Variants in GREB1L observed in about 807,000 individuals in gnomAD.
GREB1L encodes the protein GREB1 like retinoic acid receptor coactivator, also known as GREB1-like protein.
A neutral mutation model predicts 200.8 loss-of-function variants in GREB1L; 17 were observed. The ratio of observed to expected loss-of-function variants is 0.08; its 90% CI spans 0.06 to 0.13. The LOEUF is 0.13. Ranked by LOEUF, GREB1L falls within the 10% of genes least tolerant of loss-of-function variation. The pLI is 1.00. For synonymous variants in GREB1L, 789 were observed against 893.0 expected (o/e 0.88, Z 2.08); for missense variants, 1,657 against 2,367.7 (o/e 0.70, Z 6.23).
intron 2 of GREB1L, among the ~76,000 whole-genome samples, chr18:21,371,304 C>T (rs1222560658): frequency 5.3e-5 from 8 of 151,918 alleles, no homozygotes. Context: ...TGTACAATTT[C>T]TTAATAAATA....
At chr18:21,356,759 G>C (rs1387257490) in intron 1 of GREB1L, among the ~76,000 whole-genome samples, 1 of 152,112 alleles carries the variant, frequency 6.6e-6, no homozygotes, top group Non-Finnish European at 1.5e-5. Context: ...ACTGTTTTCT[G>C]TAATGGCTGT....
Position 21,452,155 on chromosome 18 carries a change from G to A in GREB1L, c.1922G>A (p.Gly641Glu), listed in dbSNP as rs1337575001. 1 of 1,551,970 alleles carries A rather than the reference G, an allele frequency of 6.4e-7. No individual in the cohort carries two copies. The highest frequency in any genetic ancestry group is 2.0e-5 in the Admixed American group (1 of 50,998). Residue 641 changes from glycine to glutamate, a missense_variant, in exon 14 of 33, where the codon GGA (glycine) becomes GAA (glutamate). By Grantham distance (98) the Gly-to-Glu change is moderately conservative. Around this residue, in one of 9 missense-constraint regions of GREB1L, gnomAD observed 239 missense variants for 421.8 expected, o/e 0.57. Coordinates refer to ENST00000424526, the MANE Select transcript of GREB1L (RefSeq NM_001142966.3). ...GACAGTGTGGTTACCCCTTTCGATG[G>A]AGACCTTAATGAATGTGTGTCACCC... ...RGDSVVTPFDGDLNECVSPQE... is the reference protein window; with the variant it reads ...RGDSVVTPFDEDLNECVSPQE...
intron 27 of GREB1L, among the ~76,000 whole-genome samples, chr18:21,510,080 G>C (rs2037177133): frequency 1.3e-5 from 2 of 151,780 alleles, no homozygotes; most frequent in Non-Finnish European, 2.9e-5. Context: ...TGGGTGTGGT[G>C]GTGTGCGCCT....
chr18:21,479,311 G>T (rs1391652357), intron 17 of GREB1L, among the ~76,000 whole-genome samples: 4 of 152,198 alleles, frequency 2.6e-5, no homozygotes, highest in Non-Finnish European at 5.9e-5. Flanking sequence ...GTGATAGGAA[G>T]AAGGACCAAT....
intron 7 of GREB1L, among the ~76,000 whole-genome samples, chr18:21,412,588 C>T (rs770287365): frequency 1.3e-5 from 2 of 152,034 alleles, no homozygotes; most frequent in African/African-American, 2.4e-5. Context: ...AAAGAAAGGG[C>T]AAAACTAAAC....
intron 1 of GREB1L, among the ~76,000 whole-genome samples, chr18:21,355,241 T>G (rs1567949001): frequency 6.6e-6 from 1 of 151,696 alleles, no homozygotes; most frequent in African/African-American, 2.4e-5. Context: ...AAGCCTAGGT[T>G]GGAGTGCAGT....
chr18:21,284,430 T>C (rs545746439), intron 1 of GREB1L, among the ~76,000 whole-genome samples: 1 of 152,286 alleles, frequency 6.6e-6, no homozygotes, highest in East Asian at 1.9e-4. Context: ...AATTATATAA[T>C]TGGGGGGGCT....
chr18:21,475,996 A>AAG (rs2035684462), intron 16 of GREB1L, among the ~76,000 whole-genome samples: 1 of 138,554 alleles, frequency 7.2e-6, no homozygotes, highest in African/African-American at 2.9e-5. Flanking sequence ...AAAAAAAAAA[A>AAG]AGAGTCAAAT....
chr18:21,366,808 A>T (rs2039697089), intron 2 of GREB1L, among the ~76,000 whole-genome samples: 1 of 152,012 alleles, frequency 6.6e-6, no homozygotes, highest in Admixed American at 6.6e-5. Flanking sequence ...CTCTTTTATA[A>T]CACGTTGTAT....
intron 1 of GREB1L, among the ~76,000 whole-genome samples, chr18:21,252,408 C>G (rs1291776837): frequency 6.6e-6 from 1 of 150,586 alleles, no homozygotes; most frequent in Non-Finnish European, 1.5e-5. Context: ...AAATACAAAA[C>G]TAGCCTGGTA....
chr18:21,317,112 T>G (rs1325684872), intron 1 of GREB1L, among the ~76,000 whole-genome samples: 1 of 151,936 alleles, frequency 6.6e-6, no homozygotes, highest in Non-Finnish European at 1.5e-5. Context: ...TCCAAGCGGG[T>G]GCCGTGTTAC....
chr18:21,488,027 G>A (rs1174173507), intron 18 of GREB1L, among the ~76,000 whole-genome samples: 5 of 150,232 alleles, frequency 3.3e-5, no homozygotes, highest in African/African-American at 7.4e-5. Context: ...AAAAAAGACC[G>A]GGTGCAGTGG....
At chr18:21,296,808 C>T (rs1205631896) in intron 1 of GREB1L, among the ~76,000 whole-genome samples, 1 of 152,014 alleles carries the variant, frequency 6.6e-6, no homozygotes, top group East Asian at 1.9e-4. Flanking sequence ...GCACATGCCA[C>T]CACCCCTGGC....
At chr18:21,519,796 T>G (rs1457530009) in intron 31 of GREB1L, among the ~76,000 whole-genome samples, 1 of 152,244 alleles carries the variant, frequency 6.6e-6, no homozygotes, top group East Asian at 1.9e-4. Flanking sequence ...CCAAGCAGAC[T>G]GGCTCATGCA....
chr18:21,505,346 TTCTC>T, intron 23 of GREB1L, 62 bp from the exon 24 acceptor site: 1 of 1,444,830 alleles, frequency 6.9e-7, no homozygotes, highest in Non-Finnish European at 9.3e-7. Context: ...ATAAAAGCCA[TTCTC>T]TCTGACACAT....
chr18:21,469,341 CATT>C (rs1447464199), intron 15 of GREB1L, among the ~76,000 whole-genome samples: 4 of 152,038 alleles, frequency 2.6e-5, no homozygotes, highest in African/African-American at 9.7e-5. Flanking sequence ...TAGTGATGAT[CATT>C]ATTATTTTGC....
chr18:21,350,404 AT>A (rs1464971937), intron 1 of GREB1L, among the ~76,000 whole-genome samples: 3 of 151,424 alleles, frequency 2.0e-5, no homozygotes, highest in African/African-American at 4.9e-5. Context: ...CACCCGGCTA[AT>A]TTTTTGTATT....
chr18:21,279,425 A>G (rs2144411033), intron 1 of GREB1L, among the ~76,000 whole-genome samples: 1 of 152,280 alleles, frequency 6.6e-6, no homozygotes, highest in East Asian at 1.9e-4. Context: ...TTTACTCTGT[A>G]CTTACGGATC....
chr18:21,487,882 G>T (rs1401325712), intron 18 of GREB1L, among the ~76,000 whole-genome samples: 1 of 151,712 alleles, frequency 6.6e-6, no homozygotes, highest in Non-Finnish European at 1.5e-5. Context: ...GTGGTGGCGG[G>T]CACCTGTAAT....
Sources: allele counts gnomAD v4.1 joint callset (sites outside exome capture counted in the v4.1 genomes callset), GRCh38; gene constraint gnomAD v4.1.1; regional missense constraint gnomAD v4.1.1; transcripts MANE v1.5; gene names NCBI Gene and HGNC (gene_info 2026-07-23, HGNC 2026-07-21).